OSBPL9: variants seen among roughly 807,000 people sequenced by gnomAD.
OSBPL9 encodes the protein oxysterol binding protein like 9, also known as oxysterol-binding protein-related protein 9.
A neutral mutation model predicts 106.6 loss-of-function variants in OSBPL9; 40 were observed. That is an observed-to-expected ratio of 0.38 (90% CI 0.29 to 0.49). The LOEUF (loss-of-function observed/expected upper bound fraction) is 0.49, where lower values mean the gene tolerates loss of function less well. Among genes scored for constraint, OSBPL9 ranks in the 20% least tolerant of loss-of-function variants. OSBPL9 has a pLI of 0.97. For synonymous variants in OSBPL9, 269 were observed against 295.4 expected, an observed-to-expected ratio of 0.91 and a Z score of 0.92; for missense variants, 609 against 887.2, an observed-to-expected ratio of 0.69 and a Z score of 3.98.
chr1:51,548,082 A>T, the OSBPL9 span, among the ~76,000 whole-genome samples: 2 of 152,196 alleles, frequency 1.3e-5, no homozygotes, highest in East Asian at 3.9e-4. Context: ...TTAAATATAC[A>T]ATCATAATTT....
rs750687081 is a variant in OSBPL9 at position 51,754,346 on chromosome 1, C to G, written c.544-1974C>G. On this transcript the variant is annotated intron_variant, in intron 8 of 23. Coordinates refer to ENST00000428468, the MANE Select transcript of OSBPL9 (RefSeq NM_024586.6). ...GGTATAGTTGCTACAAACTTAAACTCTGGTTGATTTTCACCAGTTAAATCA... is the reference window on the plus strand; with the variant it reads ...GGTATAGTTGCTACAAACTTAAACTGTGGTTGATTTTCACCAGTTAAATCA... Among the ~76,000 whole-genome samples the G allele has an allele frequency of 3.9e-5, 6 of 152,182 alleles. No individual in the cohort carries two copies. In the South Asian group the frequency reaches 1.2e-3, roughly 32 times the overall value.
At chr1:51,520,524 C>G in the OSBPL9 span, among the ~76,000 whole-genome samples, 2 of 152,212 alleles carry the variant, frequency 1.3e-5, no homozygotes, top group Non-Finnish European at 2.9e-5. Flanking sequence ...GGCTGACTCA[C>G]TGCTTTATCT....
rs182492147 is a variant in OSBPL9 at position 51,598,886 on chromosome 1, C to T, written c.-353+693C>T. Among the ~76,000 whole-genome samples, 272 of 151,542 alleles carry T rather than the reference C, an allele frequency of 1.8e-3. 3 individuals carry two copies. The East Asian group carries it at 0.046, about 26-fold the overall frequency. Reference sequence around the variant, plus strand: ...GCGCACCCCTGTAATCCCAGCTACTCAGGAGGCTGAGGCAGGAGAATCACT... The same window carrying T: ...GCGCACCCCTGTAATCCCAGCTACTTAGGAGGCTGAGGCAGGAGAATCACT... On this transcript the variant is annotated intron_variant, in intron 2 of 25. Coordinates refer to the OSBPL9 transcript ENST00000371714.
chr1:51,784,348 T>C, intron 19 of OSBPL9, 21 bp downstream of exon 19: 1 of 1,610,808 alleles, frequency 6.2e-7, no homozygotes, highest in Non-Finnish European at 8.5e-7. Context: ...CCATTTCCTC[T>C]GATCAGCAGT....
chr1:51,535,742 A>G, the OSBPL9 span, among the ~76,000 whole-genome samples: 2 of 151,866 alleles, frequency 1.3e-5, no homozygotes, highest in Non-Finnish European at 2.9e-5. Context: ...TTTTTAGTAG[A>G]GACAGAGTTT....
intron 3 of OSBPL9, among the ~76,000 whole-genome samples, chr1:51,679,946 G>T (rs1169248966): frequency 9.2e-5 from 14 of 152,048 alleles, no homozygotes; most frequent in Admixed American, 9.2e-4. Flanking sequence ...TATATATAGG[G>T]TTCAATACTA....
intron 7 of OSBPL9, chr1:51,749,598 A>C (rs1668792291): frequency 2.9e-6 from 1 of 340,142 alleles, no homozygotes; most frequent in Non-Finnish European, 6.3e-6. Context: ...GGTGTGAATC[A>C]CCATACCCAG....
At chr1:51,528,776 C>T in the OSBPL9 span, among the ~76,000 whole-genome samples, 61 of 151,482 alleles carry the variant, frequency 4.0e-4, no homozygotes, top group East Asian at 9.6e-3. Flanking sequence ...AGGGGGCTAA[C>T]GTGGGGAAAT....
chr1:51,628,239 T>A (rs916076162), intron 1 of OSBPL9, among the ~76,000 whole-genome samples: 4 of 152,222 alleles, frequency 2.6e-5, no homozygotes, highest in African/African-American at 4.8e-5. Flanking sequence ...CACATCTGTG[T>A]ACTTTATATA....
intron 3 of OSBPL9, among the ~76,000 whole-genome samples, chr1:51,704,893 T>C (rs1658103305): frequency 6.6e-6 from 1 of 152,222 alleles, no homozygotes; most frequent in South Asian, 2.1e-4. Flanking sequence ...TCTGAGAGGC[T>C]GAATATATGC....
At chr1:51,641,640 AG>A (rs1258403825) in intron 1 of OSBPL9, among the ~76,000 whole-genome samples, 8 of 152,198 alleles carry the variant, frequency 5.3e-5, no homozygotes, top group Non-Finnish European at 1.0e-4. Context: ...TTCTATAGCC[AG>A]CAAAAAGCTG....
chr1:51,609,124 G>T (rs370144021), intron 2 of OSBPL9, among the ~76,000 whole-genome samples: 1 of 152,008 alleles, frequency 6.6e-6, no homozygotes, highest in South Asian at 2.1e-4. Context: ...TTAATTTCCT[G>T]CATTTGATCT....
intron 12 of OSBPL9, among the ~76,000 whole-genome samples, chr1:51,768,672 C>A (rs553480044): frequency 6.6e-6 from 1 of 152,390 alleles, no homozygotes; most frequent in East Asian, 1.9e-4. Flanking sequence ...TAGACACTCT[C>A]TGGCTCCGTT....
At chr1:51,621,091 C>T (rs1165987627) in intron 1 of OSBPL9, among the ~76,000 whole-genome samples, 1 of 152,164 alleles carries the variant, frequency 6.6e-6, no homozygotes, top group African/African-American at 2.4e-5. Flanking sequence ...TCATTTCATC[C>T]AGCTTATACA....
At chr1:51,648,398 T>G (rs1198862283) in intron 1 of OSBPL9, among the ~76,000 whole-genome samples, 1 of 152,216 alleles carries the variant, frequency 6.6e-6, no homozygotes, top group African/African-American at 2.4e-5. Context: ...CAGTGGCCTC[T>G]GTACCTCACA....
At chr1:51,541,925 T>C in the OSBPL9 span, among the ~76,000 whole-genome samples, 3 of 152,126 alleles carry the variant, frequency 2.0e-5, no homozygotes, top group Non-Finnish European at 4.4e-5. Flanking sequence ...TCTGGCTCTG[T>C]CACCCAGGCT....
At chr1:51,763,118 G>T (rs1047508956) in intron 11 of OSBPL9, among the ~76,000 whole-genome samples, 1 of 152,214 alleles carries the variant, frequency 6.6e-6, no homozygotes, top group South Asian at 2.1e-4. Flanking sequence ...TGATTCTCCT[G>T]CCTCAGCCTC....
At chr1:51,752,716 T>C (rs889972049) in intron 8 of OSBPL9, 2 of 359,456 alleles carry the variant, frequency 5.6e-6, no homozygotes, top group Non-Finnish European at 1.1e-5. Flanking sequence ...CTTCACATAG[T>C]CTTTCCTTGG....
intron 3 of OSBPL9, among the ~76,000 whole-genome samples, chr1:51,682,095 G>A (rs1169321721): frequency 2.0e-5 from 3 of 151,774 alleles, no homozygotes; most frequent in Admixed American, 6.6e-5. Context: ...CCAGCTACTC[G>A]GGAGGCTGAA....
Sources: allele counts gnomAD v4.1 joint callset (sites outside exome capture counted in the v4.1 genomes callset), GRCh38; gene constraint gnomAD v4.1.1; transcripts MANE v1.5; gene names NCBI Gene and HGNC (gene_info 2026-07-23, HGNC 2026-07-21).